Variants in DHRSX observed in about 807,000 individuals in gnomAD.
DHRSX encodes polyprenol dehydrogenase.
Under a neutral mutation model 34.0 loss-of-function variants are expected in DHRSX, and 31 were observed. The observed-to-expected ratio is 0.91, with a 90% confidence interval of 0.69 to 1.23. The LOEUF is 1.23. Ranked by LOEUF, DHRSX falls within the 50% of genes most tolerant of loss-of-function variation. The pLI is 0.00. For synonymous variants in DHRSX, 201 were observed against 183.8 expected (o/e 1.09, Z -0.76); for missense variants, 414 against 428.1 (o/e 0.97, Z 0.29).
At chrX:2,285,772 A>C (rs757388445) in intron 4 of DHRSX, among the ~76,000 whole-genome samples, 8 of 152,142 alleles carry the variant, frequency 5.3e-5, no homozygotes, top group Admixed American at 1.3e-4. Flanking sequence ...CAATATCCCA[A>C]ACATACAATC....
chrX:2,423,398 C>A (rs2043805262), intron 2 of DHRSX, among the ~76,000 whole-genome samples: 7 of 123,518 alleles, frequency 5.7e-5, no homozygotes, highest in Admixed American at 5.2e-4. Flanking sequence ...GGTGACAGAG[C>A]AAGATTCTGT....
chrX:2,418,681 T>C, intron 2 of DHRSX, among the ~76,000 whole-genome samples: 1 of 152,300 alleles, frequency 6.6e-6, no homozygotes, highest in South Asian at 2.1e-4. Flanking sequence ...TCCACCATCA[T>C]TGAAGCCACT....
At chrX:2,489,108 G>C (rs1196397104) in intron 1 of DHRSX, 6 of 1,613,592 alleles carry the variant, frequency 3.7e-6, no homozygotes, top group African/African-American at 1.3e-5. Context: ...GCGGGCGGCG[G>C]CGTGGATGTC....
intron 1 of DHRSX, among the ~76,000 whole-genome samples, chrX:2,471,084 C>CT (rs909141500): frequency 3.5e-4 from 54 of 152,276 alleles, no homozygotes; most frequent in African/African-American, 1.1e-3. Context: ...TATACAATTA[C>CT]TTTTTTTAAC....
chrX:2,475,356 GC>G (rs1321874841), intron 1 of DHRSX, among the ~76,000 whole-genome samples: 1 of 150,526 alleles, frequency 6.6e-6, no homozygotes, highest in Non-Finnish European at 1.5e-5. Context: ...CTAAGGGAAT[GC>G]CGACATGTAC....
In DHRSX at chrX:2,255,840, C is replaced by T. The variant is rs145783596; in HGVS notation, c.596+10900G>A. On this transcript the variant is annotated intron_variant, in intron 5 of 6. Coordinates refer to ENST00000334651, the MANE Select transcript of DHRSX (RefSeq NM_145177.3). ...GAGACAGGAGAATCACTTGAACCCACGAGGCAGAGGTTGTAGTGAGCTGAG... is the reference window on the plus strand; with the variant it reads ...GAGACAGGAGAATCACTTGAACCCATGAGGCAGAGGTTGTAGTGAGCTGAG... Among the ~76,000 whole-genome samples the T allele has an allele frequency of 7.3e-3, 1,111 of 151,674 alleles. 19 individuals carry two copies. The highest frequency in any genetic ancestry group is 0.022 in the African/African-American group (904 of 41,408).
chrX:2,371,223 GTA>G (rs952844099), intron 3 of DHRSX, among the ~76,000 whole-genome samples: 12 of 113,024 alleles, frequency 1.1e-4, no homozygotes, highest in African/African-American at 2.9e-4. Flanking sequence ...TCCCGTTACC[GTA>G]GTCCCTCCCC....
intron 1 of DHRSX, among the ~76,000 whole-genome samples, chrX:2,485,771 G>GGAAGGGAGAAAAGGGAGA (rs757591795): frequency 7.6e-5 from 3 of 39,668 alleles, no homozygotes; most frequent in Admixed American, 6.5e-4. Flanking sequence ...AGAGAAGGAA[G>GGAAGGGAGAAAAGGGAGA]GAAGGGAGAA....
chrX:2,266,637 C>A, intron 5 of DHRSX, 103 bp downstream of exon 5: 1 of 1,153,066 alleles, frequency 8.7e-7, no homozygotes, highest in Non-Finnish European at 1.3e-6. Flanking sequence ...AGAGCACCAG[C>A]GTCCAGCAGA....
At chrX:2,254,312 T>C (rs2041246290) in intron 5 of DHRSX, among the ~76,000 whole-genome samples, 1 of 152,198 alleles carries the variant, frequency 6.6e-6, no homozygotes, top group Non-Finnish European at 1.5e-5. Context: ...TTGCAGGACA[T>C]TGTTGCATAA....
chrX:2,435,980 G>A (rs989617551), intron 1 of DHRSX, among the ~76,000 whole-genome samples: 3 of 152,106 alleles, frequency 2.0e-5, no homozygotes, highest in Non-Finnish European at 4.4e-5. Context: ...GGATCACGAG[G>A]TCAGGAGTTT....
At chrX:2,256,917 G>A (rs990216811) in intron 5 of DHRSX, among the ~76,000 whole-genome samples, 3 of 152,068 alleles carry the variant, frequency 2.0e-5, no homozygotes, top group African/African-American at 7.2e-5. Context: ...GAGATCTGGA[G>A]GATGGTCTGA....
At chrX:2,430,203 G>C (rs1197675385) in intron 1 of DHRSX, among the ~76,000 whole-genome samples, 1 of 145,058 alleles carries the variant, frequency 6.9e-6, no homozygotes, top group Admixed American at 7.2e-5. Flanking sequence ...AACGCACAGT[G>C]AGCCGTGATT....
At chrX:2,436,490 AT>A (rs2043993366) in intron 1 of DHRSX, among the ~76,000 whole-genome samples, 2 of 133,224 alleles carry the variant, frequency 1.5e-5, no homozygotes, top group Non-Finnish European at 3.2e-5. Context: ...TATTATTATT[AT>A]TATTATTACT....
intron 3 of DHRSX, among the ~76,000 whole-genome samples, chrX:2,314,649 G>C (rs2042220995): frequency 6.6e-6 from 1 of 151,964 alleles, no homozygotes; most frequent in East Asian, 1.9e-4. Context: ...TGTTATGCCA[G>C]AGTCACATTG....
chrX:2,425,482 G>A (rs1357630086), intron 1 of DHRSX, among the ~76,000 whole-genome samples, 178 bp from the exon 2 acceptor site: 1 of 152,010 alleles, frequency 6.6e-6, no homozygotes, highest in African/African-American at 2.4e-5. Flanking sequence ...AAGTGGATTC[G>A]CCCCCAGTAA....
chrX:2,243,800 T>TTTGTTTTG (rs1569478880), intron 5 of DHRSX, among the ~76,000 whole-genome samples: 10 of 80,600 alleles, frequency 1.2e-4, no homozygotes, highest in African/African-American at 4.6e-4. Context: ...TTTTTTTTTT[T>TTTGTTTTG]TTTTTTTTTT....
chrX:2,298,982 T>G (rs2041978522), intron 3 of DHRSX, among the ~76,000 whole-genome samples: 1 of 65,142 alleles, frequency 1.5e-5, no homozygotes, highest in Non-Finnish European at 3.0e-5. Flanking sequence ...TGAAACTCTG[T>G]CTCAAAAAAA....
chrX:2,243,827 C>A (rs2016214624), intron 5 of DHRSX, among the ~76,000 whole-genome samples: 2 of 44,870 alleles, frequency 4.5e-5, no homozygotes, highest in African/African-American at 6.1e-5. Context: ...TTTTTTGAGA[C>A]AGATTCTCAC....
Sources: gnomAD v4.1 joint callset for allele counts (sites outside exome capture counted in the v4.1 genomes callset) on GRCh38, gnomAD v4.1.1 for gene constraint, MANE v1.5 for transcripts, NCBI Gene and HGNC (gene_info 2026-07-23, HGNC 2026-07-21) for gene names.